The following KLLN variants were observed in gnomAD, a reference collection of about 807,000 sequenced individuals.
The protein encoded by KLLN is killin.
For synonymous variants in KLLN, 142 were observed against 102.2 expected (o/e 1.39, Z -2.35); for missense variants, 340 against 241.3 (o/e 1.41, Z -2.71).
chr10:87,859,683 C>T lies in KLLN; in HGVS notation c.*2268G>A, dbSNP rs899452245. ...GCTTTATATAATTGTCCCTTTGTTA[C>T]AAGCTTCTACTTCTCCCTATGGTAT... On this transcript the variant is annotated 3_prime_UTR_variant, in exon 1 of 1. Transcript: ENST00000445946. The T allele has an allele frequency of 6.6e-6, 1 of 152,106 alleles. No individual in the cohort carries two copies. Among genetic ancestry groups the T allele is most frequent in the African/African-American group, 2.4e-5 (1 of 41,380 alleles). 9.4% of individuals were successfully genotyped at this position (152,106 alleles called of 1,614,324 possible). A position where few individuals can be genotyped will look rare whatever the true frequency, so the allele number is the denominator to read the frequency against.
the KLLN span, chr10:87,861,975 G>GT: frequency 6.8e-7 from 1 of 1,464,986 alleles, no homozygotes; most frequent in Non-Finnish European, 9.0e-7. Context: ...TGCTCTTAGG[G>GT]TAGCAGGCGA....
Position 87,860,552 on chromosome 10 carries a change from C to T in KLLN, c.*1399G>A, listed in dbSNP as rs929449995. 2 of 152,186 alleles carry T rather than the reference C, an allele frequency of 1.3e-5. No individual in the cohort carries two copies. The highest frequency in any genetic ancestry group is 2.4e-5 in the African/African-American group (1 of 41,434). 9.4% of individuals were successfully genotyped at this position (152,186 alleles called of 1,614,324 possible). A position where few individuals can be genotyped will look rare whatever the true frequency, so the allele number is the denominator to read the frequency against. On this transcript the variant is annotated 3_prime_UTR_variant, in exon 1 of 1. Coordinates refer to ENST00000445946, the MANE Select transcript of KLLN (RefSeq NM_001126049.2). ...TGTCGCACCAGGACAGGAATGCACC[C>T]TTGTTTCATTTGCTTCCATGAAAGC...
Position 87,862,128 on chromosome 10 carries a change from C to T in KLLN, c.360G>A (p.Pro120=), listed in dbSNP as rs1363058772. Reference sequence around the variant, plus strand: ...AGCGCCAGCCCCGACAGCGCTCCTTCGGGAGGCTGGTCCGAGCCCCTGTTT... The same window carrying T: ...AGCGCCAGCCCCGACAGCGCTCCTTTGGGAGGCTGGTCCGAGCCCCTGTTT... The part of the protein sequence containing the change: ...AAETGARTSL[P]KERCRGWRLG... Residue 120 remains proline, a synonymous_variant, in exon 1 of 1, where the codon CCG becomes CCA. Transcript: ENST00000445946. 21 of 1,548,104 alleles carry T rather than the reference C, an allele frequency of 1.4e-5. No homozygotes were observed. Among genetic ancestry groups the T allele is most frequent in the Non-Finnish European group, 1.8e-5 (21 of 1,144,892 alleles).
rs538764371 is a variant in KLLN at position 87,861,847 on chromosome 10, C to A, written c.*104G>T. Reference sequence around the variant, plus strand: ...AAAGGGTTCACCCTAAGCGGCAGGGCATCAGCGATGGAGAGGCCCGAGAGC... The same window carrying A: ...AAAGGGTTCACCCTAAGCGGCAGGGAATCAGCGATGGAGAGGCCCGAGAGC... On this transcript the variant is annotated 3_prime_UTR_variant, in exon 1 of 1. Transcript: ENST00000445946. The A allele has an allele frequency of 1.6e-4, 168 of 1,078,550 alleles. No individual in the cohort carries two copies. The highest frequency in any genetic ancestry group is 2.1e-4 in the Non-Finnish European group (165 of 769,432). 66.8% of individuals were successfully genotyped at this position (1,078,550 alleles called of 1,614,324 possible).
Position 87,863,170 on chromosome 10 carries a change from A to G in KLLN, c.-683T>C. ...CAACGCACCCATCTCAGCTTTCATC[A>G]TCAGTCCTCCACCCCCGCCCCACAA... is the stretch of plus-strand genomic sequence containing the variant. On this transcript the variant is annotated 5_prime_UTR_variant, in exon 1 of 1. The change abolishes an upstream ATG in the 5' untranslated region. Coordinates refer to ENST00000445946, the MANE Select transcript of KLLN (RefSeq NM_001126049.2). The G allele has an allele frequency of 5.4e-6, 1 of 184,196 alleles. No individual in the cohort carries two copies. Among genetic ancestry groups the G allele is most frequent in the Non-Finnish European group, 1.3e-5 (1 of 78,314 alleles). 11.4% of individuals were successfully genotyped at this position (184,196 alleles called of 1,614,324 possible).
At position 87,862,552 on chromosome 10, in the gene KLLN, A is replaced by C; in HGVS notation, c.-65T>G. On this transcript the variant is annotated 5_prime_UTR_variant, in exon 1 of 1. Transcript: ENST00000445946. ...AGGTGGTCTCTGAGAACCGAGCTTG[A>C]CTCCGACGCCGCGAACCGACCTGGA... 7.1e-7 allele frequency: 1 copy of C among 1,408,256 alleles called. No individual in the cohort carries two copies. Among genetic ancestry groups the C allele is most frequent in the Non-Finnish European group, 9.5e-7 (1 of 1,048,448 alleles). 87.2% of individuals were successfully genotyped at this position (1,408,256 alleles called of 1,614,324 possible). A position where few individuals can be genotyped will look rare whatever the true frequency, so the allele number is the denominator to read the frequency against.
rs775530644 is a variant in KLLN, at chr10:87,862,534, C to T, written c.-47G>A. ...CCAAGGGGGGGCGGGGCTAGGTGGT[C>T]TCTGAGAACCGAGCTTGACTCCGAC... On this transcript the variant is annotated 5_prime_UTR_variant, in exon 1 of 1. Coordinates refer to ENST00000445946, the MANE Select transcript of KLLN (RefSeq NM_001126049.2). The T allele has an allele frequency of 1.8e-4, 266 of 1,481,258 alleles. No homozygotes were observed. The highest frequency in any genetic ancestry group is 4.5e-4 in the South Asian group (35 of 77,710). 91.8% of individuals were successfully genotyped at this position (1,481,258 alleles called of 1,614,324 possible).
Position 87,861,909 on chromosome 10 carries a change from C to T in KLLN, c.*42G>A. On this transcript the variant is annotated 3_prime_UTR_variant, in exon 1 of 1. Transcript: ENST00000445946. ...GCTCCTTTTCCCACGTTTGGGAAGG[C>T]GCAGAATAGGTCGATGTAGAGCAAG... 6.9e-7 allele frequency: 1 copy of T among 1,445,654 alleles called. No individual in the cohort carries two copies. Among genetic ancestry groups the T allele is most frequent in the African/African-American group, 1.4e-5 (1 of 69,730 alleles). The allele number at this position is 1,445,654 out of a possible 1,614,324, so 89.6% of individuals were successfully genotyped here.
Position 87,862,104 on chromosome 10 carries a change from G to C in KLLN, c.384C>G (p.Arg128=), listed in dbSNP as rs1020877920. 1.3e-6 allele frequency: 2 copies of C among 1,539,314 alleles called. No individual in the cohort carries two copies. Among genetic ancestry groups the C allele is most frequent in the Non-Finnish European group, 1.8e-6 (2 of 1,140,424 alleles). The change falls in exon 1 of 1, where the codon CGC becomes CGG. Residue 128 remains arginine, a synonymous_variant. Transcript: ENST00000445946. Reference sequence around the variant, plus strand: ...GGTGCTTGTGTAACCAGTTCCCCAAGCGCCAGCCCCGACAGCGCTCCTTCG... The same window carrying C: ...GGTGCTTGTGTAACCAGTTCCCCAACCGCCAGCCCCGACAGCGCTCCTTCG... ...SLPKERCRGW[R]LGNWLHKHPH...
rs946740737 is a variant in KLLN at position 87,862,383 on chromosome 10, G to A, written c.105C>T (p.Ser35=). 6.4e-7 allele frequency: 1 copy of A among 1,551,454 alleles called. No individual in the cohort carries two copies. Among genetic ancestry groups the A allele is most frequent in the Admixed American group, 2.0e-5 (1 of 51,000 alleles). The change falls in exon 1 of 1, where the codon AGC becomes AGT. Residue 35 remains serine (S), a synonymous_variant. Transcript: ENST00000445946. The part of the protein sequence containing the change: ...KVRNGRKLQP[S]EWAGRGDLGG... ...CTAGGTCTCCTCGCCCCGCCCACTC[G>A]CTGGGCTGCAGCTTCCTACCGTTCC...
chr10:87,862,147 CCT>C, the KLLN span: 3,505 of 1,550,696 alleles, frequency 2.3e-3, 9 homozygotes, highest in Non-Finnish European at 2.6e-3. Context: ...GGTCCGAGCC[CCT>C]GTTTCCGCCG....
rs150923050 is a variant in KLLN at position 87,862,893 on chromosome 10, T to A, written c.-406A>T. The A allele has an allele frequency of 3.4e-4, 78 of 226,254 alleles. No individual in the cohort carries two copies. Among genetic ancestry groups the A allele is most frequent in the African/African-American group, 1.8e-3 (77 of 43,848 alleles). 14.0% of individuals were successfully genotyped at this position (226,254 alleles called of 1,614,324 possible). On this transcript the variant is annotated 5_prime_UTR_variant, in exon 1 of 1. Coordinates refer to ENST00000445946, the MANE Select transcript of KLLN (RefSeq NM_001126049.2). ...AGACTGACACCATGAGGACACAGAT[T>A]TGGGGGAAGGGGGAATCTCTAGGCA... is the stretch of plus-strand genomic sequence containing the variant.
Position 87,862,664 on chromosome 10 carries a change from C to T in KLLN, c.-177G>A. On this transcript the variant is annotated 5_prime_UTR_variant, in exon 1 of 1. Coordinates refer to ENST00000445946, the MANE Select transcript of KLLN (RefSeq NM_001126049.2). ...CGGGGTGCGTCCCACTCACAGGGAT[C>T]CTCTTTCAGTTCATTTAGATAGGTG... 1.6e-6 allele frequency: 1 copy of T among 620,368 alleles called. No individual in the cohort carries two copies. Among genetic ancestry groups the T allele is most frequent in the East Asian group, 2.8e-5 (1 of 36,236 alleles). The allele number at this position is 620,368 out of a possible 1,614,324, so 38.4% of individuals were successfully genotyped here.
chr10:87,862,225 G>A lies in KLLN; in HGVS notation c.263C>T (p.Ser88Phe), dbSNP rs369376419. 18 of 1,551,630 alleles carry A rather than the reference G, an allele frequency of 1.2e-5. No individual in the cohort carries two copies. The highest frequency in any genetic ancestry group is 3.9e-5 in the Admixed American group (2 of 50,996). Residue 88 changes from serine to phenylalanine, a missense_variant, in exon 1 of 1, where the codon TCT becomes TTT. Physicochemically the swap from Ser to Phe is radical, Grantham distance 155 (BLOSUM62 -2). Coordinates refer to ENST00000445946, the MANE Select transcript of KLLN (RefSeq NM_001126049.2). ...AAGAGCACCCCGAGCAAAGGAAGAAGACGACTTGCCTCCGGAGCTATCACT... is the reference window on the plus strand; with the variant it reads ...AAGAGCACCCCGAGCAAAGGAAGAAAACGACTTGCCTCCGGAGCTATCACT... The part of the protein sequence containing the change: ...LPSDSSGGKS[S>F]SSFARGALAW...
Position 87,862,072 on chromosome 10 carries a change from G to A in KLLN, c.416C>T (p.Pro139Leu), listed in dbSNP as rs1412258242. The change falls in exon 1 of 1, where the codon CCA becomes CTA. Residue 139 changes from proline to leucine, a missense_variant. Coordinates refer to ENST00000445946, the MANE Select transcript of KLLN (RefSeq NM_001126049.2). ...GGCGGGGAGGCGGGGGCACGTGTTT[G>A]GATGTGGGTGCTTGTGTAACCAGTT... ...LGNWLHKHPH[P>L]NTCPRLPACW... 1 of 1,513,524 alleles carries A rather than the reference G, an allele frequency of 6.6e-7. No homozygotes were observed. The highest frequency in any genetic ancestry group is 8.9e-7 in the Non-Finnish European group (1 of 1,127,146). 93.8% of individuals were successfully genotyped at this position (1,513,524 alleles called of 1,614,324 possible).
chr10:87,860,649 A>G lies in KLLN; in HGVS notation c.*1302T>C, dbSNP rs1858241078. On this transcript the variant is annotated 3_prime_UTR_variant, in exon 1 of 1. Coordinates refer to ENST00000445946, the MANE Select transcript of KLLN (RefSeq NM_001126049.2). ...GTAGGCTCCAGGGGAGGGACAGAGAAGGGCAGTGCTAATAACAGGGACTCT... is the reference window on the plus strand; with the variant it reads ...GTAGGCTCCAGGGGAGGGACAGAGAGGGGCAGTGCTAATAACAGGGACTCT... 6.6e-6 allele frequency: 1 copy of G among 152,258 alleles called. No homozygotes were observed. The highest frequency in any genetic ancestry group is 1.5e-5 in the Non-Finnish European group (1 of 68,054). The allele number at this position is 152,258 out of a possible 1,614,324, so 9.4% of individuals were successfully genotyped here. A position where few individuals can be genotyped will look rare whatever the true frequency, so the allele number is the denominator to read the frequency against.
In KLLN at chr10:87,862,479, G is replaced by A; in HGVS notation, c.9C>T (p.Arg3=). The part of the protein sequence containing the change: MD[R]PGPGSARPGR... The stretch of plus-strand genomic sequence containing the variant: ...CGGGGCGCGCGGAGCCTGGCCCCGG[G>A]CGATCCATCCTGCCGGGTTTTCACG... Residue 3 remains arginine (R), a synonymous_variant, in exon 1 of 1, where the codon CGC becomes CGT. Coordinates refer to ENST00000445946, the MANE Select transcript of KLLN (RefSeq NM_001126049.2). The A allele has an allele frequency of 6.5e-7, 1 of 1,548,326 alleles. No individual in the cohort carries two copies. Among genetic ancestry groups the A allele is most frequent in the Non-Finnish European group, 8.7e-7 (1 of 1,144,734 alleles).
In KLLN at chr10:87,862,511, A is replaced by G. The variant is rs542803093; in HGVS notation, c.-24T>C. The G allele has an allele frequency of 5.2e-5, 80 of 1,531,122 alleles. No individual in the cohort carries two copies. The highest frequency in any genetic ancestry group is 6.7e-5 in the Non-Finnish European group (76 of 1,134,980). 94.8% of individuals were successfully genotyped at this position (1,531,122 alleles called of 1,614,324 possible). A position where few individuals can be genotyped will look rare whatever the true frequency, so the allele number is the denominator to read the frequency against. On this transcript the variant is annotated 5_prime_UTR_variant, in exon 1 of 1. Transcript: ENST00000445946. ...ATCCTGCCGGGTTTTCACGGCGGCC[A>G]AGGGGGGGCGGGGCTAGGTGGTCTC... is the stretch of plus-strand genomic sequence containing the variant.
In KLLN at chr10:87,859,687, C is replaced by A. The variant is rs1858225045; in HGVS notation, c.*2264G>T. 6.6e-6 allele frequency: 1 copy of A among 152,120 alleles called. No homozygotes were observed. Among genetic ancestry groups the A allele is most frequent in the Non-Finnish European group, 1.5e-5 (1 of 68,042 alleles). 9.4% of individuals were successfully genotyped at this position (152,120 alleles called of 1,614,324 possible). A position where few individuals can be genotyped will look rare whatever the true frequency, so the allele number is the denominator to read the frequency against. On this transcript the variant is annotated 3_prime_UTR_variant, in exon 1 of 1. Coordinates refer to ENST00000445946, the MANE Select transcript of KLLN (RefSeq NM_001126049.2). ...TATATAATTGTCCCTTTGTTACAAG[C>A]TTCTACTTCTCCCTATGGTATTCTG...
Sources: gnomAD v4.1 joint callset for allele counts on GRCh38, gnomAD v4.1.1 for gene constraint, MANE v1.5 for transcripts, NCBI Gene and HGNC (gene_info 2026-07-23, HGNC 2026-07-21) for gene names.